EPHB2: variants seen among roughly 807,000 people sequenced by gnomAD.
EPHB2 encodes the protein EPH receptor B2.
A neutral mutation model predicts 96.4 loss-of-function variants in EPHB2; 18 were observed. The observed-to-expected ratio is 0.19, with a 90% confidence interval of 0.13 to 0.28. The LOEUF is 0.28. Among genes scored for constraint, EPHB2 ranks in the 10% least tolerant of loss-of-function variants. EPHB2 has a pLI of 1.00. For missense variants in EPHB2, 989 were observed against 1,355.4 expected, an observed-to-expected ratio of 0.73 and a Z score of 4.25; for synonymous variants, 506 against 534.1, an observed-to-expected ratio of 0.95 and a Z score of 0.72.
At chr1:22,877,911 G>C (rs974335039) in intron 5 of EPHB2, among the ~76,000 whole-genome samples, 3 of 152,226 alleles carry the variant, frequency 2.0e-5, no homozygotes, top group Non-Finnish European at 4.4e-5. Flanking sequence ...AATCTCAGTG[G>C]GGGGTGTTGT....
intron 3 of EPHB2, among the ~76,000 whole-genome samples, chr1:22,793,245 G>T (rs1644720697): frequency 6.6e-6 from 1 of 152,196 alleles, no homozygotes; most frequent in Non-Finnish European, 1.5e-5. Flanking sequence ...ACCACTTCCA[G>T]GACACCTGCT....
intron 3 of EPHB2, among the ~76,000 whole-genome samples, chr1:22,853,291 T>C (rs1044497595): frequency 2.0e-5 from 3 of 152,204 alleles, no homozygotes; most frequent in African/African-American, 7.2e-5. Context: ...AGGCGGAGCT[T>C]GCAGTGAGCC....
intron 1 of EPHB2, among the ~76,000 whole-genome samples, chr1:22,765,344 C>T (rs1383847758): frequency 2.0e-5 from 3 of 151,900 alleles, no homozygotes; most frequent in African/African-American, 4.8e-5. Flanking sequence ...GTCAGGAGTT[C>T]GAGACCAGCC....
intron 3 of EPHB2, among the ~76,000 whole-genome samples, chr1:22,819,205 G>GACTCTCTC (rs1271309129): frequency 5.8e-5 from 6 of 103,394 alleles, no homozygotes; most frequent in Non-Finnish European, 7.6e-5. Context: ...CCCAGCAGAT[G>GACTCTCTC]TCTCTCTCTC....
chr1:22,914,382 G>A lies in EPHB2; in HGVS notation c.*812G>A, dbSNP rs2124157231. ...CTGGTGCCCACTCCCGCCAGCCCCT[G>A]CCTCGAGGACTGATACTGCAGTGAC... On this transcript the variant is annotated 3_prime_UTR_variant, in exon 16 of 16. Transcript: ENST00000374630. 1 of 162,084 alleles carries A rather than the reference G, an allele frequency of 6.2e-6. No homozygotes were observed. The highest frequency in any genetic ancestry group is 1.8e-4 in the East Asian group (1 of 5,476). 10.0% of individuals were successfully genotyped at this position (162,084 alleles called of 1,614,324 possible). A position where few individuals can be genotyped will look rare whatever the true frequency, so the allele number is the denominator to read the frequency against.
intron 5 of EPHB2, among the ~76,000 whole-genome samples, chr1:22,879,031 G>T (rs894605241): frequency 6.6e-6 from 1 of 152,178 alleles, no homozygotes; most frequent in African/African-American, 2.4e-5. Flanking sequence ...GGCCCTCTGG[G>T]AGACAGACCC....
chr1:22,720,772 A>G (rs1643444924), intron 1 of EPHB2, among the ~76,000 whole-genome samples: 1 of 150,572 alleles, frequency 6.6e-6, no homozygotes, highest in Admixed American at 6.8e-5. Flanking sequence ...GGCTTGGCTC[A>G]TGATAGATAT....
chr1:22,765,298 A>G (rs1478425233), intron 1 of EPHB2, among the ~76,000 whole-genome samples: 1 of 151,986 alleles, frequency 6.6e-6, no homozygotes, highest in African/African-American at 2.4e-5. Context: ...TGTAATCCCA[A>G]CACTTTAGGG....
intron 1 of EPHB2, among the ~76,000 whole-genome samples, chr1:22,779,423 A>C (rs1644497770): frequency 6.6e-6 from 1 of 152,116 alleles, no homozygotes; most frequent in African/African-American, 2.4e-5. Flanking sequence ...ACACTTCTGC[A>C]TCCTCTCTTG....
In EPHB2 at chr1:22,846,602, C is replaced by T. The variant is rs1456238431; in HGVS notation, c.812-16435C>T. 6.6e-6 allele frequency among the ~76,000 whole-genome samples: 1 copy of T among 152,154 alleles called. No homozygotes were observed. The highest frequency in any genetic ancestry group is 2.4e-5 in the African/African-American group (1 of 41,428). The stretch of plus-strand genomic sequence containing the variant: ...AGGCGGCTTGTTGCCTCTCCAGCCT[C>T]GTGTCCTGCATCTCTGCAACCATAG... On this transcript the variant is annotated intron_variant, in intron 3 of 15. Transcript: ENST00000374630. The surrounding 1 kb of genome is among the most constrained non-coding windows in gnomAD (Gnocchi z 4.3).
intron 3 of EPHB2, among the ~76,000 whole-genome samples, chr1:22,794,457 A>G (rs1644739676): frequency 1.3e-5 from 2 of 152,088 alleles, no homozygotes; most frequent in South Asian, 4.2e-4. Flanking sequence ...CACATACCAA[A>G]TGCTCACCCG....
At chr1:22,839,011 A>G (rs1645426507) in intron 3 of EPHB2, among the ~76,000 whole-genome samples, 3 of 152,184 alleles carry the variant, frequency 2.0e-5, no homozygotes, top group Admixed American at 1.3e-4. Context: ...TCAGAATCCT[A>G]GAGGGTCAGG....
At chr1:22,848,286 G>A (rs567444553) in intron 3 of EPHB2, among the ~76,000 whole-genome samples, 2 of 152,228 alleles carry the variant, frequency 1.3e-5, no homozygotes, top group African/African-American at 2.4e-5. Context: ...CTGTGTGCCC[G>A]TGACTGCTGC....
At chr1:22,911,341 AC>A (rs1201400519) in intron 14 of EPHB2, among the ~76,000 whole-genome samples, 3 of 152,172 alleles carry the variant, frequency 2.0e-5, no homozygotes, top group African/African-American at 4.8e-5. Flanking sequence ...ACAGATGAAC[AC>A]ACAATTAGGC....
chr1:22,849,705 C>CTT (rs1233052142), intron 3 of EPHB2, among the ~76,000 whole-genome samples: 1 of 152,208 alleles, frequency 6.6e-6, no homozygotes, highest in Admixed American at 6.5e-5. Context: ...CTAAAAGACT[C>CTT]TAAGTCGGCA....
intron 1 of EPHB2, among the ~76,000 whole-genome samples, chr1:22,722,477 A>T (rs1643489439): frequency 6.6e-6 from 1 of 152,220 alleles, no homozygotes; most frequent in South Asian, 2.1e-4. Context: ...GTTGAGGTTC[A>T]ATGACTTACT....
chr1:22,723,098 G>C (rs1477804292), intron 1 of EPHB2, among the ~76,000 whole-genome samples: 1 of 152,216 alleles, frequency 6.6e-6, no homozygotes. Context: ...CCATTATGGC[G>C]ACGACATATG....
chr1:22,808,471 G>A (rs567988763), intron 3 of EPHB2, among the ~76,000 whole-genome samples: 15 of 152,304 alleles, frequency 9.8e-5, no homozygotes, highest in African/African-American at 3.6e-4. Flanking sequence ...AATTAACCAC[G>A]GCCCTCTTCC....
At chr1:22,881,329 C>A (rs1306464944) in intron 5 of EPHB2, among the ~76,000 whole-genome samples, 1 of 151,906 alleles carries the variant, frequency 6.6e-6, no homozygotes, top group East Asian at 2.0e-4. Context: ...ACCCAGGAGG[C>A]AGAGGTTGCA....
Sources: allele counts gnomAD v4.1 joint callset (sites outside exome capture counted in the v4.1 genomes callset), GRCh38; gene constraint gnomAD v4.1.1; non-coding constraint Gnocchi (gnomAD v3.1); transcripts MANE v1.5; gene names NCBI Gene and HGNC (gene_info 2026-07-23, HGNC 2026-07-21).